PXDN: variants seen among roughly 807,000 people sequenced by gnomAD.
PXDN encodes peroxidasin homolog.
In PXDN, 77 loss-of-function variants were observed where a neutral mutation model predicts 140.3. The ratio of observed to expected loss-of-function variants is 0.55; its 90% confidence interval spans 0.46 to 0.66. The LOEUF is 0.66. Ranked by LOEUF, PXDN falls within the 30% of genes least tolerant of loss-of-function variation. The pLI, the probability that PXDN is intolerant of heterozygous loss-of-function variation, is 0.00. For missense variants in PXDN, 1,838 were observed against 2,039.5 expected (o/e 0.90, Z 1.90); for synonymous variants, 911 against 857.4 (o/e 1.06, Z -1.09).
At position 1,638,842 on chromosome 2, in the gene PXDN, T is replaced by A; in HGVS notation, c.4206+4A>T. The stretch of plus-strand genomic sequence containing the variant: ...GGGGGGACACAGGCCGCCAGGCACC[T>A]CACCTGTGTTCTGAGGTCTGTGATG... On this transcript the variant is annotated splice_donor_region_variant and intron_variant, in intron 21 of 22. Transcript: ENST00000252804. 1 of 1,613,956 alleles carries A rather than the reference T, an allele frequency of 6.2e-7. No homozygotes were observed.
chr2:1,690,215 T>G (rs963448693), intron 3 of PXDN, among the ~76,000 whole-genome samples: 1 of 152,132 alleles, frequency 6.6e-6, no homozygotes, highest in Non-Finnish European at 1.5e-5. Flanking sequence ...ACTGCCCTGG[T>G]CTTTAGTCCG....
Position 1,714,881 on chromosome 2 carries a change from C to A in PXDN, c.201-21747G>T, listed in dbSNP as rs1325393282. Among the ~76,000 whole-genome samples the A allele has an allele frequency of 6.6e-6, 1 of 152,144 alleles. No individual in the cohort carries two copies. The highest frequency in any genetic ancestry group is 2.4e-5 in the African/African-American group (1 of 41,452). On this transcript the variant is annotated intron_variant, in intron 1 of 22. Transcript: ENST00000252804. This position sits in a 1 kb window ranked among gnomAD's most constrained non-coding sequence, Gnocchi z 4.3. ...CCCTCTCCAGGCTCTGGGAGCCTGG[C>A]CTGGCGCCCTGTCTTGCTCACCCTG... is the stretch of plus-strand genomic sequence containing the variant.
chr2:1,655,819 C>T (rs973843255), intron 14 of PXDN, among the ~76,000 whole-genome samples: 9 of 151,110 alleles, frequency 6.0e-5, no homozygotes, highest in South Asian at 2.1e-4. Context: ...TAGGACATGA[C>T]GCACACACCA....
chr2:1,675,452 C>T (rs1358695523), intron 8 of PXDN, among the ~76,000 whole-genome samples: 1 of 152,226 alleles, frequency 6.6e-6, no homozygotes, highest in Non-Finnish European at 1.5e-5. Flanking sequence ...CAGAATTCCT[C>T]CAGTGTTCTC....
At chr2:1,659,779 A>C (rs1285887403) in intron 14 of PXDN, among the ~76,000 whole-genome samples, 2 of 152,234 alleles carry the variant, frequency 1.3e-5, no homozygotes, top group African/African-American at 2.4e-5. Flanking sequence ...TGGGAAAATA[A>C]GGTCACTTAA....
At chr2:1,684,948 C>T (rs1211906363) in intron 4 of PXDN, among the ~76,000 whole-genome samples, 1 of 152,232 alleles carries the variant, frequency 6.6e-6, no homozygotes, top group Non-Finnish European at 1.5e-5. Flanking sequence ...GCAACCAGCA[C>T]ACATTTTCAG....
intron 10 of PXDN, 84 bp from the exon 11 acceptor site, chr2:1,665,158 G>A: frequency 9.8e-7 from 1 of 1,015,744 alleles, no homozygotes; most frequent in East Asian, 2.6e-5. Context: ...CCACAGTCTT[G>A]GCAGACGTCT....
At chr2:1,731,766 A>T (rs1246259696) in intron 1 of PXDN, among the ~76,000 whole-genome samples, 1 of 152,066 alleles carries the variant, frequency 6.6e-6, no homozygotes, top group Non-Finnish European at 1.5e-5. Flanking sequence ...AGCCAAGAAC[A>T]TTTGCACGGG....
intron 1 of PXDN, among the ~76,000 whole-genome samples, chr2:1,702,038 C>T (rs753501183): frequency 2.0e-5 from 3 of 152,138 alleles, no homozygotes; most frequent in Non-Finnish European, 4.4e-5. Flanking sequence ...TCAGAGACGC[C>T]TGAACGGAGT....
chr2:1,652,584 G>T (rs1414206114), intron 16 of PXDN, among the ~76,000 whole-genome samples: 1 of 151,806 alleles, frequency 6.6e-6, no homozygotes, highest in African/African-American at 2.4e-5. Context: ...AACATTTCCT[G>T]CCCTGCCCCC....
Position 1,667,122 on chromosome 2 carries a change from C to T in PXDN, c.1019-636G>A, listed in dbSNP as rs543583890. Among the ~76,000 whole-genome samples, 4 of 151,840 alleles carry T rather than the reference C, an allele frequency of 2.6e-5. No individual in the cohort carries two copies. The South Asian group carries it at 8.4e-4, about 32-fold the overall frequency. ...ACTCTATTGCCCAGAAATGACCCTG[C>T]CAAACAAAAGCCAGCAGAAGACAAG... On this transcript the variant is annotated intron_variant, in intron 9 of 22. Transcript: ENST00000252804.
intron 1 of PXDN, among the ~76,000 whole-genome samples, chr2:1,743,908 A>C (rs1175484289): frequency 6.8e-5 from 1 of 14,788 alleles, no homozygotes; most frequent in Admixed American, 9.9e-4. Context: ...GGAGCATGAG[A>C]GGGGGCGGCG....
Position 1,680,190 on chromosome 2 carries a change from C to A in PXDN, c.730+3G>T. On this transcript the variant is annotated splice_donor_region_variant and intron_variant, in intron 7 of 22. Transcript: ENST00000252804. ...GATGGTGTGTGCGTGTCGGGCCACT[C>A]ACCACAGTTCAGCTCTTCCGGGGTG... 1 of 1,559,014 alleles carries A rather than the reference C, an allele frequency of 6.4e-7. No individual in the cohort carries two copies. Among genetic ancestry groups the A allele is most frequent in the Non-Finnish European group, 8.7e-7 (1 of 1,150,840 alleles).
Position 1,633,993 on chromosome 2 carries a change from C to T in PXDN, c.*211G>A. 1.8e-6 allele frequency: 1 copy of T among 558,902 alleles called. No homozygotes were observed. The highest frequency in any genetic ancestry group is 2.9e-6 in the Non-Finnish European group (1 of 344,088). 34.6% of individuals were successfully genotyped at this position (558,902 alleles called of 1,614,324 possible). On this transcript the variant is annotated 3_prime_UTR_variant, in exon 23 of 23. Transcript: ENST00000252804. ...AACGTGAAGCTAGGACTCCTGCCTG[C>T]TTCCCTTCAGGCACCTGCTGTGCCT... is the stretch of plus-strand genomic sequence containing the variant.
chr2:1,741,630 G>T (rs1685547821), intron 1 of PXDN, among the ~76,000 whole-genome samples: 1 of 152,144 alleles, frequency 6.6e-6, no homozygotes, highest in South Asian at 2.1e-4. Flanking sequence ...GTTTTCCAAT[G>T]GCTCTGATTT....
intron 9 of PXDN, among the ~76,000 whole-genome samples, chr2:1,673,222 T>G (rs561042492): frequency 1.3e-5 from 2 of 152,316 alleles, no homozygotes; most frequent in East Asian, 3.9e-4. Context: ...GATAAAAATC[T>G]AGATTTGTGG....
intron 6 of PXDN, among the ~76,000 whole-genome samples, chr2:1,682,241 G>A (rs1463040360): frequency 6.6e-6 from 1 of 152,012 alleles, no homozygotes; most frequent in African/African-American, 2.4e-5. Flanking sequence ...GCATTTATCT[G>A]GTGATTTCTT....
Position 1,693,045 on chromosome 2 carries a change from T to C in PXDN, c.272+18A>G, listed in dbSNP as rs185313245. 1.6e-4 allele frequency: 242 copies of C among 1,518,396 alleles called. 2 individuals carry two copies. In the African/African-American group the frequency reaches 2.9e-3, roughly 18 times the overall value. The allele number at this position is 1,518,396 out of a possible 1,614,324, so 94.1% of individuals were successfully genotyped here. On this transcript the variant is annotated intron_variant, in intron 2 of 22. Coordinates refer to ENST00000252804, the MANE Select transcript of PXDN (RefSeq NM_012293.3). ...TTTCTATTTTTCTATTAGTTTCCAA[T>C]AGAATATTTCCACTCACAATGTGTT...
intron 1 of PXDN, among the ~76,000 whole-genome samples, chr2:1,711,800 G>C (rs1684793749): frequency 6.6e-6 from 1 of 152,202 alleles, no homozygotes; most frequent in South Asian, 2.1e-4. Context: ...CACTGCATTT[G>C]GGAGCCACGA....
Sources: allele counts gnomAD v4.1 joint callset (sites outside exome capture counted in the v4.1 genomes callset), GRCh38; gene constraint gnomAD v4.1.1; non-coding constraint Gnocchi (gnomAD v3.1); transcripts MANE v1.5; gene names NCBI Gene and HGNC (gene_info 2026-07-23, HGNC 2026-07-21).